Variants in SKAP1 observed in about 807,000 individuals in gnomAD.
The protein encoded by SKAP1 is src kinase associated phosphoprotein 1.
SKAP1 carries 44 observed loss-of-function variants against 58.5 expected under a neutral mutation model. The observed-to-expected ratio is 0.75, with a 90% CI of 0.59 to 0.97. The LOEUF (loss-of-function observed/expected upper bound fraction) is 0.97, where lower values mean the gene tolerates loss of function less well. SKAP1 is among the 50% of genes least tolerant of loss of function. The pLI is 0.00. For synonymous variants in SKAP1, 127 were observed against 149.7 expected, an observed-to-expected ratio of 0.85 and a Z score of 1.11; for missense variants, 390 against 435.2, an observed-to-expected ratio of 0.90 and a Z score of 0.92.
At chr17:48,440,576 C>T in the SKAP1 span, among the ~76,000 whole-genome samples, 1 of 152,220 alleles carries the variant, frequency 6.6e-6, no homozygotes, top group Non-Finnish European at 1.5e-5. Flanking sequence ...AGTCATTTAA[C>T]CTCCAACTTT....
At chr17:48,253,562 CAAATTAG>C (rs1462519388) in intron 4 of SKAP1, among the ~76,000 whole-genome samples, 2 of 152,094 alleles carry the variant, frequency 1.3e-5, no homozygotes, top group Non-Finnish European at 2.9e-5. Flanking sequence ...CAAGGGAATC[CAAATTAG>C]GTACGGATTA....
intron 2 of SKAP1, among the ~76,000 whole-genome samples, chr17:48,395,670 T>G (rs2067409033): frequency 6.6e-6 from 1 of 152,244 alleles, no homozygotes; most frequent in Non-Finnish European, 1.5e-5. Context: ...GCATTCTGTT[T>G]GTTTCAATTA....
chr17:48,387,201 T>A (rs1390462048), intron 2 of SKAP1, among the ~76,000 whole-genome samples: 1 of 152,194 alleles, frequency 6.6e-6, no homozygotes, highest in Admixed American at 6.5e-5. Context: ...TTAAATATAA[T>A]CTTCACACAA....
intron 3 of SKAP1, among the ~76,000 whole-genome samples, chr17:48,353,975 G>A (rs1283822249): frequency 1.3e-5 from 2 of 151,068 alleles, no homozygotes; most frequent in African/African-American, 4.9e-5. Flanking sequence ...AGAAAAAGAA[G>A]AAGAAGAAGA....
intron 1 of SKAP1, among the ~76,000 whole-genome samples, chr17:48,428,883 G>A (rs1347201306): frequency 6.6e-6 from 1 of 152,102 alleles, no homozygotes; most frequent in Non-Finnish European, 1.5e-5. Flanking sequence ...TATTCTGATC[G>A]TAAGTAAAAC....
At chr17:48,157,917 C>T (rs1368702188) in intron 11 of SKAP1, among the ~76,000 whole-genome samples, 1 of 151,112 alleles carries the variant, frequency 6.6e-6, no homozygotes, top group African/African-American at 2.4e-5. Flanking sequence ...GTGGCTCACA[C>T]CTGTAATCCC....
intron 4 of SKAP1, among the ~76,000 whole-genome samples, chr17:48,319,765 C>T (rs2144216302): frequency 6.6e-6 from 1 of 152,178 alleles, no homozygotes; most frequent in Middle Eastern, 3.4e-3. Context: ...TCACCTGAGC[C>T]TGGGAGGTTG....
chr17:48,283,130 A>G (rs2065788271), intron 4 of SKAP1, among the ~76,000 whole-genome samples: 1 of 152,114 alleles, frequency 6.6e-6, no homozygotes, highest in African/African-American at 2.4e-5. Flanking sequence ...GCATTTGTAA[A>G]ATATAGGTAA....
At chr17:48,151,354 G>A (rs2063900665) in intron 11 of SKAP1, among the ~76,000 whole-genome samples, 2 of 152,100 alleles carry the variant, frequency 1.3e-5, no homozygotes, top group Admixed American at 1.3e-4. Context: ...AGTAATTTTT[G>A]TTTCATTCCT....
intron 4 of SKAP1, among the ~76,000 whole-genome samples, chr17:48,339,444 T>A (rs1346021135): frequency 1.3e-5 from 2 of 152,136 alleles, no homozygotes; most frequent in African/African-American, 4.8e-5. Flanking sequence ...TACATAGTTT[T>A]AAAAAAATAC....
intron 11 of SKAP1, among the ~76,000 whole-genome samples, chr17:48,158,592 G>GA (rs1031044698): frequency 3.0e-4 from 38 of 128,262 alleles, no homozygotes; most frequent in Middle Eastern, 4.3e-3. Context: ...AAAGAAAAAA[G>GA]AAAAAAAAAG....
At position 48,187,282 on chromosome 17, in the gene SKAP1, G is replaced by A. The variant is rs561247731; in HGVS notation, c.442+561C>T. Among the ~76,000 whole-genome samples the A allele has an allele frequency of 6.6e-5, 10 of 152,128 alleles. No homozygotes were observed. The East Asian group carries it at 1.4e-3, about 21-fold the overall frequency. Reference sequence around the variant, plus strand: ...CTCATTAAGAAACTATCTCTGGCCCGAGTCAACACTTCACTGCTGCTGTCA... The same window carrying A: ...CTCATTAAGAAACTATCTCTGGCCCAAGTCAACACTTCACTGCTGCTGTCA... On this transcript the variant is annotated intron_variant, in intron 6 of 12. Transcript: ENST00000336915.
At chr17:48,139,620 T>C (rs2063744546) in intron 11 of SKAP1, among the ~76,000 whole-genome samples, 1 of 152,178 alleles carries the variant, frequency 6.6e-6, no homozygotes, top group South Asian at 2.1e-4. Context: ...TAAAACCAGA[T>C]TGGTGATATG....
chr17:48,295,698 G>A (rs1414319506), intron 4 of SKAP1: 1 of 148,850 alleles, frequency 6.7e-6, no homozygotes, highest in Non-Finnish European at 1.5e-5. Flanking sequence ...TTTGTGTCTG[G>A]CACAAATTTA....
Position 48,276,250 on chromosome 17 carries a change from T to C in SKAP1, c.280+69655A>G, listed in dbSNP as rs533715661. ...TTTGTTTTCTGCTACTTTCTCTTTC[T>C]AGGGAATCTTTACTTTCTTTATTTG... On this transcript the variant is annotated intron_variant, in intron 4 of 12. Coordinates refer to ENST00000336915, the MANE Select transcript of SKAP1 (RefSeq NM_003726.4). Among the ~76,000 whole-genome samples the C allele has an allele frequency of 1.9e-3, 284 of 152,348 alleles. 1 individual carries two copies. The highest frequency in any genetic ancestry group is 6.7e-3 in the African/African-American group (278 of 41,584).
At chr17:48,225,321 G>C (rs377190902) in intron 4 of SKAP1, among the ~76,000 whole-genome samples, 1 of 152,178 alleles carries the variant, frequency 6.6e-6, no homozygotes, top group Non-Finnish European at 1.5e-5. Context: ...CAGGGAGTCA[G>C]AGATTTTAGG....
At chr17:48,242,094 G>A (rs2065249263) in intron 4 of SKAP1, among the ~76,000 whole-genome samples, 1 of 152,134 alleles carries the variant, frequency 6.6e-6, no homozygotes, top group Non-Finnish European at 1.5e-5. Context: ...TTTTCTCTGC[G>A]TTTGCAGTAA....
chr17:48,377,443 T>C (rs1295273691), intron 2 of SKAP1: 1 of 151,980 alleles, frequency 6.6e-6, no homozygotes, highest in Non-Finnish European at 1.5e-5. Flanking sequence ...CCATGTGTAG[T>C]GGCTTGTACC....
At chr17:48,232,367 G>C (rs1412220475) in intron 4 of SKAP1, among the ~76,000 whole-genome samples, 3 of 152,124 alleles carry the variant, frequency 2.0e-5, no homozygotes, top group South Asian at 2.1e-4. Context: ...GATACCACCA[G>C]GTGGGTACCT....
Sources: gnomAD v4.1 joint callset for allele counts (sites outside exome capture counted in the v4.1 genomes callset) on GRCh38, gnomAD v4.1.1 for gene constraint, MANE v1.5 for transcripts, NCBI Gene and HGNC (gene_info 2026-07-23, HGNC 2026-07-21) for gene names.